MAMDC2: variants seen among roughly 807,000 people sequenced by gnomAD.
The protein encoded by MAMDC2 is MAM domain-containing protein 2.
A neutral mutation model predicts 89.8 loss-of-function variants in MAMDC2; 57 were observed. That is an observed-to-expected ratio of 0.63 (90% CI 0.51 to 0.79). The LOEUF (loss-of-function observed/expected upper bound fraction) is 0.79, where lower values mean the gene tolerates loss of function less well. MAMDC2 is among the 30% of genes least tolerant of loss of function. MAMDC2 has a pLI of 0.00. For synonymous variants in MAMDC2, 313 were observed against 293.4 expected, an observed-to-expected ratio of 1.07 and a Z score of -0.68; for missense variants, 800 against 820.6, an observed-to-expected ratio of 0.97 and a Z score of 0.31.
intron 11 of MAMDC2, among the ~76,000 whole-genome samples, chr9:70,183,873 GT>G: frequency 6.6e-6 from 1 of 152,026 alleles, no homozygotes; most frequent in Non-Finnish European, 1.5e-5. Context: ...ATTTGATTCT[GT>G]CATTATGTGA....
chr9:70,217,886 A>C (rs1401480253), intron 11 of MAMDC2, among the ~76,000 whole-genome samples: 1 of 152,210 alleles, frequency 6.6e-6, no homozygotes, highest in African/African-American at 2.4e-5. Context: ...TAAAATGATG[A>C]ATGTAAGTTT....
intron 7 of MAMDC2, among the ~76,000 whole-genome samples, chr9:70,132,108 G>A (rs1458128055): frequency 1.3e-5 from 2 of 152,162 alleles, no homozygotes; most frequent in African/African-American, 2.4e-5. Flanking sequence ...AATAGCATGT[G>A]CTCTTAATTA....
chr9:70,184,050 T>C (rs2032699187), intron 11 of MAMDC2, among the ~76,000 whole-genome samples: 1 of 152,210 alleles, frequency 6.6e-6, no homozygotes, highest in Admixed American at 6.5e-5. Flanking sequence ...AGTGCTTCCT[T>C]CAGGAGCTCT....
chr9:70,119,654 C>T (rs2118306559), intron 5 of MAMDC2, among the ~76,000 whole-genome samples: 1 of 152,304 alleles, frequency 6.6e-6, no homozygotes, highest in Middle Eastern at 3.4e-3. Flanking sequence ...TGCAATGTCT[C>T]ATCTAGTTCA....
intron 2 of MAMDC2, among the ~76,000 whole-genome samples, chr9:70,090,127 A>T (rs941032531): frequency 3.8e-5 from 4 of 104,778 alleles, no homozygotes; most frequent in Non-Finnish European, 5.7e-5. Flanking sequence ...AGGATGTCAC[A>T]CACACACACA....
intron 6 of MAMDC2, among the ~76,000 whole-genome samples, chr9:70,126,835 T>C (rs1279689833): frequency 6.6e-6 from 1 of 152,136 alleles, no homozygotes; most frequent in Non-Finnish European, 1.5e-5. Context: ...TGTTTTTTTT[T>C]TTTTTTTAGA....
At chr9:70,148,983 T>C (rs2309602) in intron 9 of MAMDC2, among the ~76,000 whole-genome samples, 125,285 of 136,940 alleles carry the variant, frequency 0.91, 57,549 homozygotes, top group East Asian at 1. Context: ...GAGCCGAGAT[T>C]GCGCCACTGC....
At chr9:70,185,206 T>C (rs767350956) in intron 11 of MAMDC2, among the ~76,000 whole-genome samples, 7 of 152,186 alleles carry the variant, frequency 4.6e-5, no homozygotes, top group Non-Finnish European at 7.3e-5. Context: ...GCATCATCAT[T>C]GGAGGCAGCA....
chr9:70,161,621 C>T (rs1044065740), intron 9 of MAMDC2, among the ~76,000 whole-genome samples: 1 of 152,222 alleles, frequency 6.6e-6, no homozygotes, highest in African/African-American at 2.4e-5. Flanking sequence ...GATAAAGCTT[C>T]ACTTAGTCTG....
At chr9:70,131,481 T>C (rs1202379428) in intron 6 of MAMDC2, 38 bp from the exon 7 acceptor site, 2 of 1,474,294 alleles carry the variant, frequency 1.4e-6, no homozygotes, top group South Asian at 1.2e-5. Flanking sequence ...AAACCGAAAA[T>C]ATGTGAACAT....
chr9:70,096,430 C>T (rs1044225462), intron 2 of MAMDC2, among the ~76,000 whole-genome samples: 1 of 152,182 alleles, frequency 6.6e-6, no homozygotes, highest in Non-Finnish European at 1.5e-5. Flanking sequence ...ATCGCATGCA[C>T]ACTTCAGACA....
chr9:70,097,289 T>G (rs1248990473), intron 2 of MAMDC2, among the ~76,000 whole-genome samples: 1 of 152,194 alleles, frequency 6.6e-6, no homozygotes, highest in African/African-American at 2.4e-5. Context: ...GAGGAGCAAA[T>G]TTTTTCTTAT....
At chr9:70,106,289 T>C (rs1325544070) in intron 2 of MAMDC2, among the ~76,000 whole-genome samples, 2 of 151,926 alleles carry the variant, frequency 1.3e-5, no homozygotes, top group African/African-American at 4.8e-5. Context: ...GGCAGCAAAG[T>C]TGGTATTTGA....
chr9:70,110,401 C>T (rs752783), intron 4 of MAMDC2, among the ~76,000 whole-genome samples: 5,010 of 152,090 alleles, frequency 0.033, 269 homozygotes, highest in African/African-American at 0.11. Context: ...AGTGGAGAGG[C>T]GCAGGGAGGA....
At chr9:70,101,659 T>C (rs181085734) in intron 2 of MAMDC2, among the ~76,000 whole-genome samples, 1 of 152,348 alleles carries the variant, frequency 6.6e-6, no homozygotes, top group Admixed American at 6.5e-5. Flanking sequence ...CTAGGAGTAA[T>C]AGGCTGTCTC....
intron 5 of MAMDC2, among the ~76,000 whole-genome samples, chr9:70,124,249 T>C (rs959704137): frequency 1.3e-5 from 2 of 152,220 alleles, no homozygotes; most frequent in African/African-American, 4.8e-5. Context: ...GCTTGATTTC[T>C]GTTTCTCGAT....
At chr9:70,149,709 T>C (rs2031523450) in intron 9 of MAMDC2, among the ~76,000 whole-genome samples, 1 of 152,180 alleles carries the variant, frequency 6.6e-6, no homozygotes, top group Admixed American at 6.5e-5. Flanking sequence ...AATCTTTTGG[T>C]GTGGGGCCTG....
chr9:70,137,566 T>G (rs1011537848), intron 7 of MAMDC2, among the ~76,000 whole-genome samples: 2 of 152,178 alleles, frequency 1.3e-5, no homozygotes, highest in Admixed American at 1.3e-4. Flanking sequence ...TTCATCCACT[T>G]TAATCTGGGT....
chr9:70,117,297 A>G (rs1047904800), intron 5 of MAMDC2, among the ~76,000 whole-genome samples: 19 of 152,192 alleles, frequency 1.2e-4, no homozygotes, highest in African/African-American at 2.9e-4. Context: ...TGCAGCTATA[A>G]AGAAGGATGA....
Sources: allele counts gnomAD v4.1 joint callset (sites outside exome capture counted in the v4.1 genomes callset), GRCh38; gene constraint gnomAD v4.1.1; transcripts MANE v1.5; gene names NCBI Gene and HGNC (gene_info 2026-07-23, HGNC 2026-07-21).